COL8A2: variants seen among roughly 807,000 people sequenced by gnomAD.
COL8A2 encodes the protein collagen type VIII alpha 2 chain, also known as collagen alpha-2(VIII) chain.
In COL8A2, 16 loss-of-function variants were observed where a neutral mutation model predicts 24.0. The observed-to-expected ratio is 0.67, with a 90% CI of 0.45 to 1.01. The LOEUF (loss-of-function observed/expected upper bound fraction) is 1.01, where lower values mean the gene tolerates loss of function less well. COL8A2 is among the 50% of genes least tolerant of loss of function. COL8A2 has a pLI of 0.00. For missense variants in COL8A2, 818 were observed against 942.4 expected, an observed-to-expected ratio of 0.87 and a Z score of 1.73; for synonymous variants, 466 against 424.5, an observed-to-expected ratio of 1.10 and a Z score of -1.20.
At chr1:36,103,729 G>A (rs903906591) in intron 2 of COL8A2, among the ~76,000 whole-genome samples, 1 of 151,830 alleles carries the variant, frequency 6.6e-6, no homozygotes, top group African/African-American at 2.4e-5. Context: ...GACTACAGGT[G>A]CATGCCACCA....
At chr1:36,110,531 C>A (rs1643825731) in intron 2 of COL8A2, among the ~76,000 whole-genome samples, 1 of 151,996 alleles carries the variant, frequency 6.6e-6, no homozygotes, top group South Asian at 2.1e-4. Context: ...GTGATCTCAC[C>A]CAAGCTGGAG....
At chr1:36,121,566 G>A (rs1300252104) in intron 1 of COL8A2, among the ~76,000 whole-genome samples, 1 of 151,200 alleles carries the variant, frequency 6.6e-6, no homozygotes, top group African/African-American at 2.4e-5. Flanking sequence ...AAATTAGCCG[G>A]GCATGGTGGT....
rs1643932481 is a variant in COL8A2, at chr1:36,123,877, C to A, written c.-62+1180G>T. On this transcript the variant is annotated intron_variant, in intron 1 of 3. Transcript: ENST00000397799. This position sits in a 1 kb window ranked among gnomAD's most constrained non-coding sequence, Gnocchi z 4.1. ...GGGAAGCCAGTGACAGCACCTGTGC[C>A]CTGATGGAGACCACCAACCATGGTG... 6.6e-6 allele frequency among the ~76,000 whole-genome samples: 1 copy of A among 152,048 alleles called. No homozygotes were observed. The highest frequency in any genetic ancestry group is 2.1e-4 in the South Asian group (1 of 4,822).
intron 1 of COL8A2, among the ~76,000 whole-genome samples, chr1:36,122,796 C>A (rs1643923996): frequency 1.3e-5 from 2 of 152,112 alleles, no homozygotes; most frequent in Admixed American, 1.3e-4. Context: ...CAGATTATAT[C>A]ATTCGCAGCT....
chr1:36,099,842 G>A (rs569541180), intron 3 of COL8A2, among the ~76,000 whole-genome samples: 1 of 152,272 alleles, frequency 6.6e-6, no homozygotes, highest in South Asian at 2.1e-4. Context: ...CAACTTCCCA[G>A]TTCATCTCCC....
chr1:36,101,356 A>G (rs753973366), intron 2 of COL8A2, among the ~76,000 whole-genome samples: 5 of 151,860 alleles, frequency 3.3e-5, no homozygotes, highest in Admixed American at 1.3e-4. Context: ...TGCGCCTGCT[A>G]TTTCTCTGCC....
At position 36,097,562 on chromosome 1, in the gene COL8A2, C is replaced by T. The variant is rs1312893740; in HGVS notation, c.*7G>A. 6.3e-7 allele frequency: 1 copy of T among 1,598,420 alleles called. No homozygotes were observed. Among genetic ancestry groups the T allele is most frequent in the African/African-American group, 1.3e-5 (1 of 74,464 alleles). ...GGAGGCCAGGGCAGCAGGACCCCCC[C>T]CGCGGGTTATGTGGGGCAGAGCAAG... On this transcript the variant is annotated 3_prime_UTR_variant, in exon 4 of 4. Transcript: ENST00000397799.
chr1:36,114,936 C>G (rs528659269), intron 2 of COL8A2, among the ~76,000 whole-genome samples: 1 of 152,266 alleles, frequency 6.6e-6, no homozygotes, highest in South Asian at 2.1e-4. Context: ...ATCTCTGAGT[C>G]TAGGTTCTCC....
intron 2 of COL8A2, among the ~76,000 whole-genome samples, chr1:36,103,633 G>A (rs567404590): frequency 1.3e-5 from 2 of 151,614 alleles, no homozygotes; most frequent in Non-Finnish European, 2.9e-5. Context: ...AGGCTGGAGT[G>A]CAATGAATGG....
chr1:36,118,457 C>T (rs1458343989), intron 1 of COL8A2, among the ~76,000 whole-genome samples: 1 of 152,236 alleles, frequency 6.6e-6, no homozygotes, highest in Non-Finnish European at 1.5e-5. Context: ...TCCAGTGGGC[C>T]AAGGCCCCCT....
chr1:36,104,446 C>T (rs1643725424), intron 2 of COL8A2, among the ~76,000 whole-genome samples: 1 of 151,818 alleles, frequency 6.6e-6, no homozygotes, highest in African/African-American at 2.4e-5. Context: ...GAGCCAAGAT[C>T]GTGCCACTGC....
At chr1:36,111,422 C>G (rs954333277) in intron 2 of COL8A2, among the ~76,000 whole-genome samples, 5 of 152,226 alleles carry the variant, frequency 3.3e-5, no homozygotes, top group Non-Finnish European at 5.9e-5. Flanking sequence ...GCCCAAGGAG[C>G]TGGCTCAGGC....
Position 36,115,862 on chromosome 1 carries a change from G to T in COL8A2, c.-61-110C>A. 2.0e-6 allele frequency: 1 copy of T among 501,124 alleles called. No individual in the cohort carries two copies. Among genetic ancestry groups the T allele is most frequent in the Non-Finnish European group, 2.6e-6 (1 of 387,410 alleles). The allele number at this position is 501,124 out of a possible 1,614,324, so 31.0% of individuals were successfully genotyped here. A position where few individuals can be genotyped will look rare whatever the true frequency, so the allele number is the denominator to read the frequency against. On this transcript the variant is annotated intron_variant, in intron 1 of 3. Transcript: ENST00000397799. The surrounding 1 kb of genome is among the most constrained non-coding windows in gnomAD (Gnocchi z 5.7). ...AGACTGCTTGAGCCCAGGAGTTTGAGACCAGCCTGGGCAACATAGGGAGAC... is the reference window on the plus strand; with the variant it reads ...AGACTGCTTGAGCCCAGGAGTTTGATACCAGCCTGGGCAACATAGGGAGAC...
At chr1:36,104,735 C>T (rs987185375) in intron 2 of COL8A2, among the ~76,000 whole-genome samples, 6 of 152,158 alleles carry the variant, frequency 3.9e-5, no homozygotes, top group South Asian at 4.1e-4. Context: ...GCGGAGCTTG[C>T]GGTGAGCCGA....
intron 1 of COL8A2, among the ~76,000 whole-genome samples, chr1:36,117,888 G>T (rs1052752461): frequency 2.6e-5 from 4 of 151,180 alleles, no homozygotes; most frequent in Non-Finnish European, 4.4e-5. Flanking sequence ...AGTAGAACCT[G>T]AATTTGAACC....
intron 2 of COL8A2, among the ~76,000 whole-genome samples, chr1:36,108,853 C>T (rs762128025): frequency 2.6e-5 from 4 of 152,158 alleles, no homozygotes; most frequent in Admixed American, 1.3e-4. Context: ...TCCTGGTCTC[C>T]GAAAGAGTCC....
intron 1 of COL8A2, among the ~76,000 whole-genome samples, chr1:36,122,076 G>A (rs546002555): frequency 5.9e-5 from 9 of 152,274 alleles, no homozygotes; most frequent in Admixed American, 2.0e-4. Flanking sequence ...ATAGAAGCAC[G>A]GCCAGGTCCT....
rs780560468 is a variant in COL8A2 at position 36,097,879 on chromosome 1, C to T, written c.1802G>A (p.Gly601Asp). Residue 601 changes from glycine to aspartate, a missense_variant, in exon 4 of 4, where the codon GGC becomes GAC. Gly to Asp is a moderately conservative substitution (Grantham distance 94, BLOSUM62 -1). Around this residue, in one of 3 missense-constraint regions of COL8A2, gnomAD observed 235 missense variants for 297.3 expected, o/e 0.79. Transcript: ENST00000397799. The part of the protein sequence containing the change: ...PVKFDRTLYN[G>D]HSGYNPATGI... ...AGTGGCTGGGTTGTAGCCGCTGTGGCCATTGTAGAGAGTCCGGTCAAATTT... is the reference window on the plus strand; with the variant it reads ...AGTGGCTGGGTTGTAGCCGCTGTGGTCATTGTAGAGAGTCCGGTCAAATTT... 2 of 1,612,436 alleles carry T rather than the reference C, an allele frequency of 1.2e-6. No homozygotes were observed. Among genetic ancestry groups the T allele is most frequent in the African/African-American group, 2.7e-5 (2 of 74,932 alleles).
chr1:36,108,201 C>G (rs1643788605), intron 2 of COL8A2, among the ~76,000 whole-genome samples: 1 of 152,256 alleles, frequency 6.6e-6, no homozygotes, highest in Non-Finnish European at 1.5e-5. Flanking sequence ...AAGGAACATT[C>G]ACATGGCCTC....
Sources: allele counts gnomAD v4.1 joint callset (sites outside exome capture counted in the v4.1 genomes callset), GRCh38; gene constraint gnomAD v4.1.1; regional missense constraint gnomAD v4.1.1; non-coding constraint Gnocchi (gnomAD v3.1); transcripts MANE v1.5; gene names NCBI Gene and HGNC (gene_info 2026-07-23, HGNC 2026-07-21).